Variants in FBXO34 observed in about 807,000 individuals in gnomAD.
FBXO34 encodes F-box protein 34.
In FBXO34, 12 loss-of-function variants were observed where a neutral mutation model predicts 24.5. The ratio of observed to expected loss-of-function variants is 0.49; its 90% CI spans 0.31 to 0.79. The LOEUF (loss-of-function observed/expected upper bound fraction) is 0.79. FBXO34 is among the 30% of genes least tolerant of loss of function. FBXO34 has a pLI of 0.04. For missense variants in FBXO34, 823 were observed against 857.7 expected (o/e 0.96, Z 0.51); for synonymous variants, 320 against 311.9 (o/e 1.03, Z -0.27).
At chr14:55,391,706 G>C in the FBXO34 span, among the ~76,000 whole-genome samples, 3 of 152,114 alleles carry the variant, frequency 2.0e-5, no homozygotes, top group Non-Finnish European at 4.4e-5. Flanking sequence ...CATATGGCTA[G>C]TGGCTAATGG....
intron 1 of FBXO34, among the ~76,000 whole-genome samples, chr14:55,324,584 A>T (rs1883278111): frequency 6.6e-6 from 1 of 152,146 alleles, no homozygotes; most frequent in South Asian, 2.1e-4. Flanking sequence ...AAAGCCCCAC[A>T]TAACATGTAG....
chr14:55,325,247 G>A (rs1057460369), intron 1 of FBXO34, among the ~76,000 whole-genome samples: 2 of 152,110 alleles, frequency 1.3e-5, no homozygotes, highest in Non-Finnish European at 2.9e-5. Flanking sequence ...TGCCTTAGTT[G>A]GTTCTTAGTT....
At chr14:55,399,580 T>C in the FBXO34 span, among the ~76,000 whole-genome samples, 5 of 152,374 alleles carry the variant, frequency 3.3e-5, no homozygotes, top group African/African-American at 1.2e-4. Flanking sequence ...TAAATTCTCC[T>C]GCAGTTGACT....
chr14:55,343,451 A>G (rs891903686), intron 1 of FBXO34, among the ~76,000 whole-genome samples: 1 of 152,028 alleles, frequency 6.6e-6, no homozygotes. Context: ...GTGTTTCATC[A>G]TGTTGGCCAG....
rs753888835 is a variant in FBXO34, at chr14:55,352,340, C to T, written c.1950C>T (p.His650=). The part of the protein sequence containing the change: ...VKGDVSLCRW[H]PKPYCQALPY... ...GGGATGTGTCCCTGTGCCGATGGCA[C>T]CCCAAGCCCTATTGCCAGGCATTGC... Residue 650 remains histidine, a synonymous_variant, in exon 2 of 2, where the codon CAC becomes CAT. Coordinates refer to ENST00000313833, the MANE Select transcript of FBXO34 (RefSeq NM_017943.4). 1.2e-6 allele frequency: 2 copies of T among 1,614,210 alleles called. No individual in the cohort carries two copies. The highest frequency in any genetic ancestry group is 1.7e-6 in the Non-Finnish European group (2 of 1,180,024).
intron 1 of FBXO34, among the ~76,000 whole-genome samples, chr14:55,297,346 C>G (rs1005933603): frequency 6.6e-6 from 1 of 152,154 alleles, no homozygotes; most frequent in African/African-American, 2.4e-5. Flanking sequence ...TGCTAGGGTT[C>G]ACATCCTGGT....
At chr14:55,394,035 G>T in the FBXO34 span, among the ~76,000 whole-genome samples, 1 of 141,644 alleles carries the variant, frequency 7.1e-6, no homozygotes, top group African/African-American at 2.6e-5. Flanking sequence ...GAGATGGAGT[G>T]TTGCTCTGTC....
intron 1 of FBXO34, among the ~76,000 whole-genome samples, chr14:55,300,614 A>G (rs115980851): frequency 0.012 from 1,834 of 152,274 alleles, 44 homozygotes; most frequent in African/African-American, 0.041. Context: ...AAACCACGTT[A>G]TTTGTTCTAG....
the FBXO34 span, among the ~76,000 whole-genome samples, chr14:55,436,298 G>A: frequency 1.3e-5 from 2 of 152,300 alleles, no homozygotes; most frequent in Admixed American, 6.5e-5. Flanking sequence ...CTACAGTGCT[G>A]TAGTATAAAC....
At chr14:55,306,277 G>A (rs1171781410) in intron 1 of FBXO34, among the ~76,000 whole-genome samples, 1 of 152,194 alleles carries the variant, frequency 6.6e-6, no homozygotes, top group Non-Finnish European at 1.5e-5. Flanking sequence ...AGGAATAAAA[G>A]CAGTAGAAAC....
At chr14:55,407,652 G>A in the FBXO34 span, among the ~76,000 whole-genome samples, 1 of 152,206 alleles carries the variant, frequency 6.6e-6, no homozygotes, top group Non-Finnish European at 1.5e-5. Context: ...CTGGGCTGGT[G>A]ATCTGAAAGA....
chr14:55,339,947 A>G (rs1461008740), intron 1 of FBXO34, among the ~76,000 whole-genome samples: 2 of 152,130 alleles, frequency 1.3e-5, no homozygotes, highest in Non-Finnish European at 2.9e-5. Flanking sequence ...TTCTTTGGTA[A>G]ACACTATGGG....
At chr14:55,395,907 C>T in the FBXO34 span, 1 of 1,467,940 alleles carries the variant, frequency 6.8e-7, no homozygotes, top group Non-Finnish European at 9.1e-7. Context: ...AAACATGTAG[C>T]CTCAAGTAAA....
the FBXO34 span, among the ~76,000 whole-genome samples, chr14:55,420,779 G>A: frequency 1.3e-5 from 2 of 152,098 alleles, no homozygotes; most frequent in African/African-American, 2.4e-5. Context: ...AAATTTGGGG[G>A]TTGGGTGCGG....
chr14:55,426,386 G>T, the FBXO34 span, among the ~76,000 whole-genome samples: 1,059 of 152,282 alleles, frequency 7.0e-3, 6 homozygotes, highest in Middle Eastern at 0.02. Flanking sequence ...GGAGATACTT[G>T]TATTATTAAA....
downstream of FBXO34, among the ~76,000 whole-genome samples, chr14:55,364,560 A>G (rs955397546): frequency 4.0e-5 from 6 of 151,514 alleles, no homozygotes; most frequent in African/African-American, 9.7e-5. Flanking sequence ...GAGTAGCTGG[A>G]ATTACAGGCA....
At chr14:55,424,915 G>T in the FBXO34 span, among the ~76,000 whole-genome samples, 3 of 152,276 alleles carry the variant, frequency 2.0e-5, no homozygotes, top group Non-Finnish European at 4.4e-5. Flanking sequence ...TCTTAGAAAG[G>T]CTTGAGGAAC....
the FBXO34 span, chr14:55,395,199 G>A: frequency 9.6e-6 from 4 of 415,990 alleles, no homozygotes; most frequent in Admixed American, 1.1e-4. Flanking sequence ...TTCCTCTGTG[G>A]CCCATTCAGT....
At chr14:55,369,135 A>G (rs1169195671), downstream of FBXO34, 1 of 152,770 alleles carries the variant, frequency 6.5e-6, no homozygotes, top group Non-Finnish European at 1.5e-5. Flanking sequence ...TTCTCATACA[A>G]AAAACAATGG....
Sources: gnomAD v4.1 joint callset for allele counts (sites outside exome capture counted in the v4.1 genomes callset) on GRCh38, gnomAD v4.1.1 for gene constraint, MANE v1.5 for transcripts, NCBI Gene and HGNC (gene_info 2026-07-23, HGNC 2026-07-21) for gene names.